Variants in CES4A observed in about 807,000 individuals in gnomAD.
The protein encoded by CES4A is carboxylesterase 6.
Under a neutral mutation model 65.4 loss-of-function variants are expected in CES4A, and 48 were observed. The ratio of observed to expected loss-of-function variants is 0.73; its 90% confidence interval spans 0.58 to 0.93. The LOEUF (loss-of-function observed/expected upper bound fraction) is 0.93. CES4A is among the 40% of genes least tolerant of loss of function. The probability of loss-of-function intolerance (pLI) is 0.00; values close to 1 mark genes in which losing one functional copy is unlikely to be tolerated. For synonymous variants in CES4A, 247 were observed against 281.8 expected, an observed-to-expected ratio of 0.88 and a Z score of 1.24; for missense variants, 685 against 728.5, an observed-to-expected ratio of 0.94 and a Z score of 0.69.
At position 67,001,547 on chromosome 16, in the gene CES4A, A is replaced by C. The variant is rs1393863237; in HGVS notation, c.690+86A>C. 1 of 1,452,122 alleles carries C rather than the reference A, an allele frequency of 6.9e-7. No homozygotes were observed. The highest frequency in any genetic ancestry group is 1.4e-5 in the African/African-American group (1 of 70,196). 90.0% of individuals were successfully genotyped at this position (1,452,122 alleles called of 1,614,324 possible). On this transcript the variant is annotated intron_variant, in intron 5 of 13. Coordinates refer to ENST00000648724, the Ensembl canonical transcript of CES4A. The surrounding 1 kb of genome is among the most constrained non-coding windows in gnomAD (Gnocchi z 4.1). ...ATGCTCCACTGCACAGGCCATGTGC[A>C]GATTTGCGTGTACAGGAACGTGCCT...
rs148022577 is a variant in CES4A at position 67,005,605 on chromosome 16, G to A, written c.1315+212G>A. On this transcript the variant is annotated intron_variant, in intron 11 of 13. Coordinates refer to ENST00000648724, the Ensembl canonical transcript of CES4A. ...CTCACACCTGTAATCCCAGCACTTT[G>A]GGAAGCCGAAGTGGGTGGATCATTT... The A allele has an allele frequency of 1.1e-3, 586 of 511,878 alleles. 2 individuals carry two copies. The highest frequency in any genetic ancestry group is 9.3e-3 in the African/African-American group (471 of 50,820). The allele number at this position is 511,878 out of a possible 1,614,324, so 31.7% of individuals were successfully genotyped here.
chr16:67,009,778 A>T (rs368300515), downstream of CES4A: 9 of 152,292 alleles, frequency 5.9e-5, no homozygotes, highest in African/African-American at 1.9e-4. Context: ...GAAGTGAATG[A>T]TGTCTCAATT....
exon 14 of CES4A, chr16:67,009,582 G>T: frequency 6.2e-6 from 1 of 161,702 alleles, no homozygotes; most frequent in Non-Finnish European, 1.4e-5. Flanking sequence ...GTGCCTGTCT[G>T]TTCACATTGG....
intron 11 of CES4A, chr16:67,006,040 G>T (rs545905259): frequency 9.3e-5 from 23 of 246,068 alleles, no homozygotes; most frequent in East Asian, 4.8e-4. Flanking sequence ...GGTTAAAGGG[G>T]GGGGGGCTGG....
rs934607601 is a variant in CES4A, at chr16:67,000,417, G to C, written c.261-221G>C. 7.4e-7 allele frequency: 1 copy of C among 1,353,034 alleles called. No homozygotes were observed. The highest frequency in any genetic ancestry group is 3.2e-5 in the Admixed American group (1 of 30,890). 83.8% of individuals were successfully genotyped at this position (1,353,034 alleles called of 1,614,324 possible). A position where few individuals can be genotyped will look rare whatever the true frequency, so the allele number is the denominator to read the frequency against. ...CAGGAATCTCTCCACGGACTGAGGC[G>C]CCGGGCAGGGAGGGGATGGTTCCTG... On this transcript the variant is annotated intron_variant, in intron 2 of 13. Transcript: ENST00000648724. The surrounding 1 kb of genome is among the most constrained non-coding windows in gnomAD (Gnocchi z 4.2).
chr16:66,991,637 G>A (rs1431671486), intron 1 of CES4A, among the ~76,000 whole-genome samples: 1 of 152,196 alleles, frequency 6.6e-6, no homozygotes, highest in Non-Finnish European at 1.5e-5. Flanking sequence ...CTGCTACATG[G>A]CTAGGTGCCC....
At chr16:66,994,675 A>G (rs968473556) in intron 1 of CES4A, among the ~76,000 whole-genome samples, 1 of 150,934 alleles carries the variant, frequency 6.6e-6, no homozygotes, top group African/African-American at 2.4e-5. Context: ...CCCCATCTCT[A>G]CTAAAAATAC....
At chr16:66,993,824 G>T (rs968215944) in intron 1 of CES4A, among the ~76,000 whole-genome samples, 18 of 152,116 alleles carry the variant, frequency 1.2e-4, no homozygotes, top group African/African-American at 1.7e-4. Flanking sequence ...GGCGTAGGCC[G>T]GGCGCGGTGG....
chr16:66,988,945 C>A, intron 1 of CES4A, 115 bp downstream of exon 1: 2 of 1,271,486 alleles, frequency 1.6e-6, no homozygotes, highest in South Asian at 1.5e-5. Context: ...TTAGACAAGG[C>A]CTGGGCAAAT....
At position 67,000,593 on chromosome 16, in the gene CES4A, T is replaced by C; in HGVS notation, c.261-45T>C. The C allele has an allele frequency of 6.6e-7, 1 of 1,521,460 alleles. No homozygotes were observed. Among genetic ancestry groups the C allele is most frequent in the African/African-American group, 1.4e-5 (1 of 72,162 alleles). The allele number at this position is 1,521,460 out of a possible 1,614,324, so 94.2% of individuals were successfully genotyped here. On this transcript the variant is annotated intron_variant, in intron 2 of 13. Transcript: ENST00000648724. This position sits in a 1 kb window ranked among gnomAD's most constrained non-coding sequence, Gnocchi z 4.2. ...CGTCTTCTCACTGCGGACCCTGGAT[T>C]GAAACGATCTCCCCGCGGCCGCCGC...
intron 13 of CES4A, chr16:67,008,172 A>G (rs760280367): frequency 6.6e-6 from 1 of 152,044 alleles, no homozygotes; most frequent in South Asian, 2.1e-4. Flanking sequence ...TTTCTCACCT[A>G]TGCCTCCCAA....
At chr16:66,991,351 T>A (rs1964378717) in intron 1 of CES4A, among the ~76,000 whole-genome samples, 1 of 152,234 alleles carries the variant, frequency 6.6e-6, no homozygotes, top group African/African-American at 2.4e-5. Context: ...TGGCTTTGTA[T>A]ACATTTCGCC....
intron 2 of CES4A, among the ~76,000 whole-genome samples, chr16:66,996,901 A>T (rs903855378): frequency 5.9e-5 from 9 of 152,112 alleles, no homozygotes; most frequent in South Asian, 2.1e-4. Flanking sequence ...AGAAAATTTT[A>T]AAAAAATATC....
chr16:66,997,948 AAC>A (rs57562021), intron 2 of CES4A, among the ~76,000 whole-genome samples: 8,897 of 127,078 alleles, frequency 0.07, 365 homozygotes, highest in East Asian at 0.17. Flanking sequence ...CCCTATCTAA[AAC>A]ACACACACAC....
exon 2 of CES4A, chr16:66,995,661 C>T (rs752250953): frequency 1.2e-6 from 2 of 1,614,170 alleles, no homozygotes; most frequent in East Asian, 2.2e-5. Flanking sequence ...CAAGTGGTCA[C>T]CAAATATGGA....
chr16:66,997,827 TG>T (rs1034605270), intron 2 of CES4A, among the ~76,000 whole-genome samples: 2 of 151,780 alleles, frequency 1.3e-5, no homozygotes, highest in Non-Finnish European at 2.9e-5. Context: ...AAAAATTAGC[TG>T]GGCGCAGTGC....
intron 12 of CES4A, 96 bp downstream of exon 12, chr16:67,006,615 C>A: frequency 6.5e-7 from 1 of 1,549,858 alleles, no homozygotes; most frequent in Non-Finnish European, 8.8e-7. Flanking sequence ...GGGAGCTCAC[C>A]AGTTCCTAAT....
chr16:67,009,051 C>G (rs1435402067), exon 14 of CES4A: 1 of 1,614,198 alleles, frequency 6.2e-7, no homozygotes, highest in Non-Finnish European at 8.5e-7. Context: ...GATTTTACCA[C>G]AAGAGTGGGC....
intron 2 of CES4A, among the ~76,000 whole-genome samples, chr16:66,999,568 G>A (rs1329412060): frequency 2.0e-5 from 3 of 152,176 alleles, no homozygotes; most frequent in Admixed American, 6.5e-5. Flanking sequence ...TTGGGAGGCC[G>A]AGGTGGGCAG....
Sources: gnomAD v4.1 joint callset for allele counts (sites outside exome capture counted in the v4.1 genomes callset) on GRCh38, gnomAD v4.1.1 for gene constraint, Gnocchi (gnomAD v3.1) non-coding constraint, MANE v1.5 for transcripts, NCBI Gene and HGNC (gene_info 2026-07-23, HGNC 2026-07-21) for gene names.